The following PEBP1 variants were observed in gnomAD, a reference collection of about 807,000 sequenced individuals.
PEBP1 encodes phosphatidylethanolamine-binding protein 1.
Under a neutral mutation model 22.7 loss-of-function variants are expected in PEBP1, and 17 were observed. That is an observed-to-expected ratio of 0.75 (90% CI 0.51 to 1.12). PEBP1 has a LOEUF of 1.12. PEBP1 is among the 50% of genes most tolerant of loss of function. PEBP1 has a pLI of 0.00. For synonymous variants in PEBP1, 106 were observed against 104.3 expected (o/e 1.02, Z -0.10); for missense variants, 205 against 243.5 (o/e 0.84, Z 1.05).
intron 3 of PEBP1, among the ~76,000 whole-genome samples, chr12:118,141,869 G>A (rs780706111): frequency 1.7e-4 from 26 of 152,100 alleles, no homozygotes; most frequent in Non-Finnish European, 2.5e-4. Context: ...TAATATTCCC[G>A]TTGGTGAACA....
At chr12:118,144,550 G>C (rs928398528) in intron 3 of PEBP1, 36 bp from the exon 4 acceptor site, 4 of 1,580,654 alleles carry the variant, frequency 2.5e-6, no homozygotes, top group Non-Finnish European at 3.4e-6. Flanking sequence ...CAAGTGCTGG[G>C]CTGTGTGTAC....
At position 118,138,108 on chromosome 12, in the gene PEBP1, A is replaced by T. The variant is rs1189736218; in HGVS notation, c.205A>T (p.Thr69Ser). 6.2e-7 allele frequency: 1 copy of T among 1,613,812 alleles called. No homozygotes were observed. The highest frequency in any genetic ancestry group is 8.5e-7 in the Non-Finnish European group (1 of 1,179,816). Residue 69 changes from threonine to serine, a missense_variant, in exon 2 of 4, where the codon ACA becomes TCA. Coordinates refer to ENST00000261313, the MANE Select transcript of PEBP1 (RefSeq NM_002567.4). ...AGGGAAGCTCTACACCTTGGTCCTG[A>T]CAGACCCGGATGCTCCCAGCAGGAA... ...DSGKLYTLVL[T>S]DPDAPSRKDP...
At chr12:118,137,027 G>A (rs2034068872) in intron 1 of PEBP1, among the ~76,000 whole-genome samples, 1 of 152,182 alleles carries the variant, frequency 6.6e-6, no homozygotes, top group South Asian at 2.1e-4. Flanking sequence ...TGTTTTGGAT[G>A]TTCACAGAAT....
chr12:118,139,401 A>T (rs2034095446), intron 2 of PEBP1, 50 bp from the exon 3 acceptor site: 1 of 1,292,232 alleles, frequency 7.7e-7, no homozygotes, highest in Non-Finnish European at 1.1e-6. Flanking sequence ...CTGTGCAGTG[A>T]ATGTTCCCTG....
rs1348784057 is a variant in PEBP1 at position 118,136,658 on chromosome 12, C to G, written c.135+314C>G. ...CGGATCCCCCTCTCCCCCCACAGGC[C>G]AGGGCGCTGGAGAGGGACGTCGCCG... On this transcript the variant is annotated intron_variant, in intron 1 of 3. Transcript: ENST00000261313. The surrounding 1 kb of genome is among the most constrained non-coding windows in gnomAD (Gnocchi z 5.6). Among the ~76,000 whole-genome samples, 1 of 152,220 alleles carries G rather than the reference C, an allele frequency of 6.6e-6. No individual in the cohort carries two copies. Among genetic ancestry groups the G allele is most frequent in the African/African-American group, 2.4e-5 (1 of 41,472 alleles).
rs1298452821 is a variant in PEBP1, at chr12:118,136,638, C to T, written c.135+294C>T. ...ACCTAGGTTCGGAAACAGGCCGGAT[C>T]CCCCTCTCCCCCCACAGGCCAGGGC... On this transcript the variant is annotated intron_variant, in intron 1 of 3. Coordinates refer to ENST00000261313, the MANE Select transcript of PEBP1 (RefSeq NM_002567.4). The surrounding 1 kb of genome is among the most constrained non-coding windows in gnomAD (Gnocchi z 5.6). Among the ~76,000 whole-genome samples, 1 of 152,184 alleles carries T rather than the reference C, an allele frequency of 6.6e-6. No individual in the cohort carries two copies. The highest frequency in any genetic ancestry group is 2.4e-5 in the African/African-American group (1 of 41,450).
At chr12:118,139,249 T>C (rs898560441) in intron 2 of PEBP1, 3 of 429,946 alleles carry the variant, frequency 7.0e-6, no homozygotes, top group Admixed American at 6.7e-5. Context: ...GAGGAGGAGC[T>C]TGCAGTGAGC....
At chr12:118,142,938 G>A (rs991060685) in intron 3 of PEBP1, among the ~76,000 whole-genome samples, 2 of 145,260 alleles carry the variant, frequency 1.4e-5, no homozygotes, top group African/African-American at 2.6e-5. Context: ...CTCACCTCCT[G>A]GGCTCAAGCA....
intron 1 of PEBP1, among the ~76,000 whole-genome samples, chr12:118,137,689 C>T (rs1566198992): frequency 6.6e-6 from 1 of 152,090 alleles, no homozygotes; most frequent in African/African-American, 2.4e-5. Context: ...TTGGTTTCTT[C>T]AGCATTTCTT....
intron 3 of PEBP1, among the ~76,000 whole-genome samples, chr12:118,142,511 C>T (rs1436346332): frequency 5.3e-5 from 8 of 151,268 alleles, no homozygotes; most frequent in Non-Finnish European, 1.0e-4. Flanking sequence ...CATCTTAACT[C>T]TTTTTTTGAG....
At chr12:118,139,344 G>A (rs947650046) in intron 2 of PEBP1, 107 bp from the exon 3 acceptor site, 15 of 722,638 alleles carry the variant, frequency 2.1e-5, no homozygotes, top group Non-Finnish European at 3.0e-5. Flanking sequence ...ACTGTTGTTC[G>A]TGGCTGTGTT....
chr12:118,145,102 AC>A lies in PEBP1; in HGVS notation c.*300del. On this transcript the variant is annotated 3_prime_UTR_variant, in exon 4 of 4. Coordinates refer to ENST00000261313, the MANE Select transcript of PEBP1 (RefSeq NM_002567.4). ...CAACCCAGAATGTAAAAAAGAAAAA[AC>A]TGGGGGGAAAAAGACCAGGTCTACA... is the stretch of plus-strand genomic sequence containing the variant. The A allele has an allele frequency of 1.0e-6, 1 of 982,416 alleles. No individual in the cohort carries two copies. The allele number at this position is 982,416 out of a possible 1,614,324, so 60.9% of individuals were successfully genotyped here.
intron 3 of PEBP1, among the ~76,000 whole-genome samples, chr12:118,144,281 G>A (rs939502927): frequency 1.3e-5 from 2 of 152,042 alleles, no homozygotes; most frequent in African/African-American, 4.8e-5. Context: ...GGATAAGGGG[G>A]TGCAGAGGCC....
Position 118,144,717 on chromosome 12 carries a change from C to T in PEBP1, c.478C>T (p.Leu160Phe). The change falls in exon 4 of 4, where the codon CTC becomes TTC. Residue 160 changes from leucine (L) to phenylalanine (F), a missense_variant. Transcript: ENST00000261313. ...GGCGTCCTTCCGTAAAAAGTATGAG[C>T]TCAGGGCCCCGGTGGCTGGCACGTG... ...KVASFRKKYE[L>F]RAPVAGTCYQ... 1 of 1,614,138 alleles carries T rather than the reference C, an allele frequency of 6.2e-7. No individual in the cohort carries two copies. Among genetic ancestry groups the T allele is most frequent in the Non-Finnish European group, 8.5e-7 (1 of 1,180,018 alleles).
chr12:118,142,812 G>T (rs79796421), intron 3 of PEBP1, among the ~76,000 whole-genome samples: 20 of 137,500 alleles, frequency 1.5e-4, no homozygotes, highest in Admixed American at 1.3e-3. Context: ...CTACAGTAGC[G>T]TTAACTACAT....
Position 118,136,379 on chromosome 12 carries a change from G to T in PEBP1, c.135+35G>T. Reference sequence around the variant, plus strand: ...GCGGCGGGCGTGCAGCGAGCGGCACGGCGCGGAGGCCTGTGCCGGCCTCCT... The same window carrying T: ...GCGGCGGGCGTGCAGCGAGCGGCACTGCGCGGAGGCCTGTGCCGGCCTCCT... On this transcript the variant is annotated intron_variant, in intron 1 of 3. Coordinates refer to ENST00000261313, the MANE Select transcript of PEBP1 (RefSeq NM_002567.4). The surrounding 1 kb of genome is among the most constrained non-coding windows in gnomAD (Gnocchi z 5.6). 1 of 1,524,076 alleles carries T rather than the reference G, an allele frequency of 6.6e-7. No homozygotes were observed. Among genetic ancestry groups the T allele is most frequent in the Non-Finnish European group, 8.8e-7 (1 of 1,140,812 alleles). The allele number at this position is 1,524,076 out of a possible 1,614,324, so 94.4% of individuals were successfully genotyped here.
chr12:118,140,927 T>C (rs946605800), intron 3 of PEBP1, among the ~76,000 whole-genome samples: 2 of 152,294 alleles, frequency 1.3e-5, no homozygotes, highest in African/African-American at 4.8e-5. Context: ...ATTTACATGG[T>C]AACAAAATCC....
chr12:118,138,204 T>C, intron 2 of PEBP1, 56 bp downstream of exon 2: 4 of 1,177,828 alleles, frequency 3.4e-6, no homozygotes, highest in Non-Finnish European at 5.0e-6. Flanking sequence ...TTATCGGGTG[T>C]AAGTCCCTTG....
chr12:118,139,149 C>A, intron 2 of PEBP1: 1 of 327,452 alleles, frequency 3.1e-6, no homozygotes, highest in South Asian at 2.4e-5. Flanking sequence ...CCCGTCTCTA[C>A]TAAAAATACG....
Sources: gnomAD v4.1 joint callset for allele counts (sites outside exome capture counted in the v4.1 genomes callset) on GRCh38, gnomAD v4.1.1 for gene constraint, Gnocchi (gnomAD v3.1) non-coding constraint, MANE v1.5 for transcripts, NCBI Gene and HGNC (gene_info 2026-07-23, HGNC 2026-07-21) for gene names.